TEX36: variants seen among roughly 807,000 people sequenced by gnomAD.
TEX36 encodes testis expressed 36, also known as testis-expressed protein 36.
A neutral mutation model predicts 13.6 loss-of-function variants in TEX36; 12 were observed. That is an observed-to-expected ratio of 0.88 (90% confidence interval 0.56 to 1.43). The LOEUF is 1.43. Among genes scored for constraint, TEX36 ranks in the 40% most tolerant of loss-of-function variants. The pLI, the probability that TEX36 is intolerant of heterozygous loss-of-function variation, is 0.00. For missense variants in TEX36, 224 were observed against 228.3 expected, an observed-to-expected ratio of 0.98 and a Z score of 0.12; for synonymous variants, 93 against 83.0, an observed-to-expected ratio of 1.12 and a Z score of -0.65.
chr10:125,655,671 T>A, downstream of TEX36: 1 of 1,226,526 alleles, frequency 8.2e-7, no homozygotes, highest in Non-Finnish European at 1.0e-6. Flanking sequence ...ATTAAGGATG[T>A]ACTTTTTAAA....
chr10:125,581,339 C>T (rs1845879586), intron 3 of TEX36, among the ~76,000 whole-genome samples: 1 of 152,236 alleles, frequency 6.6e-6, no homozygotes, highest in African/African-American at 2.4e-5. Flanking sequence ...ACCAGAAAGG[C>T]CCTGTTGCCC....
At chr10:125,576,796 T>C in exon 4 of TEX36, 1 of 1,535,924 alleles carries the variant, frequency 6.5e-7, no homozygotes, top group Middle Eastern at 1.7e-4. Flanking sequence ...GGATGAGGAA[T>C]GGACTGGGTC....
intron 1 of TEX36, chr10:125,668,053 A>G: frequency 3.1e-6 from 2 of 638,012 alleles, no homozygotes; most frequent in South Asian, 3.8e-5. Flanking sequence ...TTGGCCAGGG[A>G]TCTCCTAAAA....
At chr10:125,601,826 T>C (rs1276543079) in intron 3 of TEX36, among the ~76,000 whole-genome samples, 1 of 152,196 alleles carries the variant, frequency 6.6e-6, no homozygotes, top group Non-Finnish European at 1.5e-5. Flanking sequence ...AACACCGACC[T>C]GCTAACCAGT....
At position 125,600,768 on chromosome 10, in the gene TEX36, G is replaced by A. The variant is rs76781405; in HGVS notation, c.265-23894C>T. Among the ~76,000 whole-genome samples, 602 of 152,246 alleles carry A rather than the reference G, an allele frequency of 4.0e-3. 5 individuals are homozygous for A. The highest frequency in any genetic ancestry group is 0.013 in the African/African-American group (550 of 41,538). On this transcript the variant is annotated intron_variant, in intron 3 of 3. Transcript: ENST00000532135. ...TTCTGTTTCTAAATATGACCCCCACGGAATGACCTGAAAGCCTCTTGGCAT... is the reference window on the plus strand; with the variant it reads ...TTCTGTTTCTAAATATGACCCCCACAGAATGACCTGAAAGCCTCTTGGCAT...
rs75411833 is a variant in TEX36 at position 125,640,739 on chromosome 10, A to T, written c.265-19094T>A. Among the ~76,000 whole-genome samples the T allele has an allele frequency of 4.0e-3, 605 of 152,230 alleles. 11 individuals carry two copies. The highest frequency in any genetic ancestry group is 0.014 in the African/African-American group (581 of 41,526). On this transcript the variant is annotated intron_variant, in intron 3 of 3. Transcript: ENST00000526819. ...GAAGACAGGGTTACTCTCAAGGCAG[A>T]GCTGGGCTGAAGGGGATCTTCCCAA...
At chr10:125,589,006 A>G (rs571613698) in intron 3 of TEX36, among the ~76,000 whole-genome samples, 1 of 152,346 alleles carries the variant, frequency 6.6e-6, no homozygotes, top group Admixed American at 6.5e-5. Flanking sequence ...CCCGTGATTG[A>G]AACACCTCCC....
chr10:125,583,263 C>T (rs529109211), intron 3 of TEX36, among the ~76,000 whole-genome samples: 11 of 151,918 alleles, frequency 7.2e-5, no homozygotes, highest in South Asian at 2.1e-4. Flanking sequence ...ACAAAATCCC[C>T]GAGACTGGGT....
chr10:125,637,041 C>T (rs1846631615), intron 3 of TEX36, among the ~76,000 whole-genome samples: 2 of 152,052 alleles, frequency 1.3e-5, no homozygotes, highest in South Asian at 4.2e-4. Context: ...GTGGCTTATG[C>T]TGGTAATCCC....
chr10:125,653,877 G>A (rs927203824), downstream of TEX36, among the ~76,000 whole-genome samples: 1 of 151,988 alleles, frequency 6.6e-6, no homozygotes, highest in African/African-American at 2.4e-5. Flanking sequence ...CACTACATAG[G>A]AGAATCACTT....
rs1315532617 is a variant in TEX36, at chr10:125,588,197, TA to T, written c.265-11324del. On this transcript the variant is annotated intron_variant, in intron 3 of 3. Coordinates refer to the TEX36 transcript ENST00000532135. ...TTTGTAATTTGGATAGAACTCTCCA[TA>T]GAGGTTGTACCAATTTACATTCCAA... is the stretch of plus-strand genomic sequence containing the variant. Among the ~76,000 whole-genome samples, 3 of 152,228 alleles carry T rather than the reference TA, an allele frequency of 2.0e-5. No homozygotes were observed. The East Asian group carries it at 5.8e-4, about 29-fold the overall frequency.
intron 3 of TEX36, among the ~76,000 whole-genome samples, chr10:125,595,689 C>A (rs1038362344): frequency 1.3e-5 from 2 of 152,174 alleles, no homozygotes; most frequent in East Asian, 1.9e-4. Flanking sequence ...TCTGCTGATA[C>A]TCACATGGCT....
chr10:125,611,010 C>G (rs1448427967), intron 3 of TEX36, among the ~76,000 whole-genome samples: 1 of 152,170 alleles, frequency 6.6e-6, no homozygotes, highest in African/African-American at 2.4e-5. Context: ...ATGAATTTTT[C>G]AGTTGTGTAA....
At chr10:125,586,570 G>A (rs1343282181) in intron 3 of TEX36, among the ~76,000 whole-genome samples, 4 of 146,710 alleles carry the variant, frequency 2.7e-5, no homozygotes, top group Non-Finnish European at 5.9e-5. Context: ...TGGGCAGATC[G>A]CTTGAGCCCG....
chr10:125,646,454 A>G (rs1210761275), intron 3 of TEX36, among the ~76,000 whole-genome samples: 1 of 152,234 alleles, frequency 6.6e-6, no homozygotes, highest in African/African-American at 2.4e-5. Context: ...GAGTAGCCTT[A>G]ACTACATTTA....
At chr10:125,656,823 AC>A (rs761468394) in intron 3 of TEX36, among the ~76,000 whole-genome samples, 6 of 151,924 alleles carry the variant, frequency 3.9e-5, no homozygotes, top group Admixed American at 2.6e-4. Context: ...AACCCTAGGG[AC>A]CCAGGTAGGT....
intron 3 of TEX36, among the ~76,000 whole-genome samples, chr10:125,626,518 T>C (rs1422254214): frequency 1.3e-5 from 2 of 152,228 alleles, no homozygotes; most frequent in Admixed American, 6.5e-5. Flanking sequence ...TCGTGAATGC[T>C]TGCTCCACAC....
downstream of TEX36, among the ~76,000 whole-genome samples, chr10:125,651,446 G>A (rs1439079818): frequency 6.6e-6 from 1 of 152,088 alleles, no homozygotes; most frequent in Non-Finnish European, 1.5e-5. Context: ...AAATTCAACA[G>A]CCCTTCATGC....
chr10:125,674,083 A>C (rs1449630341), intron 1 of TEX36, among the ~76,000 whole-genome samples: 1 of 152,184 alleles, frequency 6.6e-6, no homozygotes, highest in African/African-American at 2.4e-5. Flanking sequence ...GTCTTATTAC[A>C]TAATCCCATA....
Sources: allele counts gnomAD v4.1 joint callset (sites outside exome capture counted in the v4.1 genomes callset), GRCh38; gene constraint gnomAD v4.1.1; transcripts MANE v1.5; gene names NCBI Gene and HGNC (gene_info 2026-07-23, HGNC 2026-07-21).